SDK1: variants seen among roughly 807,000 people sequenced by gnomAD.
SDK1 encodes the protein protein sidekick-1.
Under a neutral mutation model 245.5 loss-of-function variants are expected in SDK1, and 157 were observed. That is an observed-to-expected ratio of 0.64 (90% CI 0.56 to 0.73). SDK1 has a LOEUF of 0.73. SDK1 is among the 30% of genes least tolerant of loss of function. The probability of loss-of-function intolerance (pLI) is 0.00; values close to 1 mark genes in which losing one functional copy is unlikely to be tolerated. For synonymous variants in SDK1, 1,647 were observed against 1,278.5 expected (o/e 1.29, Z -6.15); for missense variants, 3,583 against 3,002.3 (o/e 1.19, Z -4.52).
intron 5 of SDK1, among the ~76,000 whole-genome samples, chr7:3,928,986 C>T (rs1779877251): frequency 1.3e-5 from 2 of 152,204 alleles, no homozygotes; most frequent in South Asian, 2.1e-4. Context: ...CTCACTAGAC[C>T]CAACTCTCTG....
At chr7:3,679,037 G>T (rs1013139803) in intron 4 of SDK1, among the ~76,000 whole-genome samples, 1 of 152,148 alleles carries the variant, frequency 6.6e-6, no homozygotes, top group Non-Finnish European at 1.5e-5. Flanking sequence ...AGAGCCTACG[G>T]ATTAGTGAAC....
intron 5 of SDK1, among the ~76,000 whole-genome samples, chr7:3,888,793 A>G (rs1490724174): frequency 6.6e-6 from 1 of 152,194 alleles, no homozygotes; most frequent in African/African-American, 2.4e-5. Context: ...ATATTAAGTT[A>G]TTGGTGCAGA....
At chr7:3,360,258 A>G (rs1780916986) in intron 1 of SDK1, among the ~76,000 whole-genome samples, 1 of 152,222 alleles carries the variant, frequency 6.6e-6, no homozygotes, top group Admixed American at 6.5e-5. Flanking sequence ...CTGACACAGC[A>G]GGTGCTTGAT....
At chr7:3,360,786 G>A (rs541216058) in intron 1 of SDK1, among the ~76,000 whole-genome samples, 1 of 152,276 alleles carries the variant, frequency 6.6e-6, no homozygotes, top group Non-Finnish European at 1.5e-5. Context: ...TCCCCACAGA[G>A]GCAGAGAAGA....
chr7:4,060,838 C>G (rs544049392), intron 19 of SDK1, among the ~76,000 whole-genome samples: 26 of 152,110 alleles, frequency 1.7e-4, no homozygotes, highest in African/African-American at 6.0e-4. Context: ...AGGAGGGGAT[C>G]CAGTTTCAGC....
At chr7:3,355,511 C>T (rs1277098525) in intron 1 of SDK1, among the ~76,000 whole-genome samples, 1 of 152,182 alleles carries the variant, frequency 6.6e-6, no homozygotes, top group Non-Finnish European at 1.5e-5. Context: ...AATCTTAACA[C>T]TTATGTGGTG....
intron 5 of SDK1, among the ~76,000 whole-genome samples, chr7:3,884,901 C>G (rs1307434916): frequency 3.3e-5 from 5 of 152,200 alleles, no homozygotes; most frequent in Admixed American, 1.3e-4. Context: ...AGGCCTGGGA[C>G]TAGGGGAGGT....
chr7:3,663,178 CA>C (rs971859459), intron 4 of SDK1, among the ~76,000 whole-genome samples: 1 of 152,100 alleles, frequency 6.6e-6, no homozygotes, highest in Non-Finnish European at 1.5e-5. Flanking sequence ...GTTACAGTGG[CA>C]AAAGGCTCTG....
At chr7:4,170,362 G>T (rs1271667360) in intron 32 of SDK1, among the ~76,000 whole-genome samples, 1 of 152,048 alleles carries the variant, frequency 6.6e-6, no homozygotes, top group Admixed American at 6.6e-5. Context: ...CAGGAGGATC[G>T]CTTGAGCCCA....
intron 42 of SDK1, among the ~76,000 whole-genome samples, chr7:4,238,656 C>T (rs1023378210): frequency 6.6e-6 from 1 of 150,844 alleles, no homozygotes; most frequent in Non-Finnish European, 1.5e-5. Flanking sequence ...TCAAGCAATT[C>T]GCCTGCCTCA....
chr7:3,978,120 G>A (rs982648878), intron 13 of SDK1, among the ~76,000 whole-genome samples: 1 of 151,980 alleles, frequency 6.6e-6, no homozygotes, highest in Non-Finnish European at 1.5e-5. Context: ...AATATAGGAG[G>A]ATATGGCCAG....
intron 4 of SDK1, among the ~76,000 whole-genome samples, chr7:3,754,704 C>A (rs1477328978): frequency 2.0e-5 from 3 of 152,060 alleles, no homozygotes; most frequent in Non-Finnish European, 4.4e-5. Flanking sequence ...GCGGAGTACT[C>A]CCTTGTCAGT....
At chr7:4,089,305 C>T (rs963441681) in intron 22 of SDK1, among the ~76,000 whole-genome samples, 1 of 152,210 alleles carries the variant, frequency 6.6e-6, no homozygotes, top group East Asian at 1.9e-4. Context: ...GTGGAGGCGC[C>T]CAGACCCCGA....
chr7:3,727,740 C>G (rs1340414734), intron 4 of SDK1, among the ~76,000 whole-genome samples: 1 of 152,192 alleles, frequency 6.6e-6, no homozygotes, highest in Non-Finnish European at 1.5e-5. Context: ...ATCCACCCGC[C>G]TCAGCCTCCC....
rs551768778 is a variant in SDK1 at position 3,789,878 on chromosome 7, C to T, written c.714-31572C>T. Among the ~76,000 whole-genome samples, 22 of 151,178 alleles carry T rather than the reference C, an allele frequency of 1.5e-4. No homozygotes were observed. In the South Asian group the frequency reaches 3.8e-3, roughly 26 times the overall value. On this transcript the variant is annotated intron_variant, in intron 4 of 44. Transcript: ENST00000404826. ...GAGAGCCTGCAGATCAGTTTACCCG[C>T]GCACCCTGGACAGGCTCGAGGACAG...
intron 22 of SDK1, among the ~76,000 whole-genome samples, chr7:4,109,750 G>C (rs1783210054): frequency 6.6e-6 from 1 of 152,216 alleles, no homozygotes; most frequent in Non-Finnish European, 1.5e-5. Flanking sequence ...GGGAGAGAGG[G>C]ACGTGGTCAG....
intron 1 of SDK1, among the ~76,000 whole-genome samples, chr7:3,556,632 C>T (rs1016885872): frequency 4.6e-5 from 7 of 151,660 alleles, no homozygotes; most frequent in Non-Finnish European, 5.9e-5. Context: ...ACCAGTCTGG[C>T]GAACCTGGTG....
intron 13 of SDK1, among the ~76,000 whole-genome samples, chr7:3,981,508 A>G (rs139173087): frequency 9.3e-4 from 142 of 152,342 alleles, no homozygotes; most frequent in African/African-American, 3.3e-3. Context: ...GAAAGCCAAG[A>G]CAAGACAAAA....
intron 2 of SDK1, among the ~76,000 whole-genome samples, chr7:3,624,785 C>G (rs1782062766): frequency 6.6e-6 from 1 of 152,014 alleles, no homozygotes; most frequent in African/African-American, 2.4e-5. Flanking sequence ...GTGGCTCACA[C>G]CTGTAATCCC....
Sources: allele counts gnomAD v4.1 joint callset (sites outside exome capture counted in the v4.1 genomes callset), GRCh38; gene constraint gnomAD v4.1.1; transcripts MANE v1.5; gene names NCBI Gene and HGNC (gene_info 2026-07-23, HGNC 2026-07-21).